Variants in ATP11A observed in about 807,000 individuals in gnomAD.
ATP11A encodes ATPase phospholipid transporting 11A.
Under a neutral mutation model 154.4 loss-of-function variants are expected in ATP11A, and 81 were observed. The observed-to-expected ratio is 0.52, with a 90% CI of 0.44 to 0.63. The LOEUF is 0.63. Among genes scored for constraint, ATP11A ranks in the 30% least tolerant of loss-of-function variants. ATP11A has a pLI of 0.00. For missense variants in ATP11A, 1,316 were observed against 1,474.3 expected (o/e 0.89, Z 1.76); for synonymous variants, 623 against 585.9 (o/e 1.06, Z -0.91).
chr13:112,785,129 C>T lies in ATP11A; in HGVS notation c.40-6C>T. 6.7e-7 allele frequency: 1 copy of T among 1,485,640 alleles called. No homozygotes were observed. 92.0% of individuals were successfully genotyped at this position (1,485,640 alleles called of 1,614,324 possible). ...CAGCTGCCTAACACCGCTCTCCTTTCCGCAGTGTGCAGGAGAAGAGAATTG... is the reference window on the plus strand; with the variant it reads ...CAGCTGCCTAACACCGCTCTCCTTTTCGCAGTGTGCAGGAGAAGAGAATTG... On this transcript the variant is annotated splice_polypyrimidine_tract_variant and splice_region_variant and intron_variant, in intron 1 of 29. Transcript: ENST00000375645. The surrounding 1 kb of genome is among the most constrained non-coding windows in gnomAD (Gnocchi z 4.8).
At chr13:112,879,863 G>A (rs1008451975) in intron 29 of ATP11A, among the ~76,000 whole-genome samples, 8 of 152,244 alleles carry the variant, frequency 5.3e-5, no homozygotes, top group African/African-American at 1.7e-4. Context: ...ACAGGCCTCA[G>A]ATGTATATGT....
At chr13:112,829,718 AG>A (rs1169144924) in intron 12 of ATP11A, among the ~76,000 whole-genome samples, 1 of 152,256 alleles carries the variant, frequency 6.6e-6, no homozygotes, top group African/African-American at 2.4e-5. Flanking sequence ...GGCAAGAAAA[AG>A]AAAAGGCATT....
intron 27 of ATP11A, 48 bp downstream of exon 27, chr13:112,873,724 G>C: frequency 6.4e-7 from 1 of 1,558,472 alleles, no homozygotes; most frequent in Non-Finnish European, 8.8e-7. Context: ...TCATGTGGTT[G>C]TTATTTTTTT....
At chr13:112,847,940 A>G (rs1420002220) in intron 17 of ATP11A, among the ~76,000 whole-genome samples, 2 of 152,188 alleles carry the variant, frequency 1.3e-5, no homozygotes, top group East Asian at 3.9e-4. Context: ...ACAAAAGGAA[A>G]ATCAGCCAGG....
chr13:112,873,720 G>A lies in ATP11A; in HGVS notation c.3161+44G>A, dbSNP rs76840741. 1.3e-4 allele frequency: 202 copies of A among 1,557,890 alleles called. No homozygotes were observed. The African/African-American group carries it at 2.6e-3, about 20-fold the overall frequency. ...GCTGATAATCTGATAAATATCATGTGGTTGTTATTTTTTTATCAAGGGTTG... is the reference window on the plus strand; with the variant it reads ...GCTGATAATCTGATAAATATCATGTAGTTGTTATTTTTTTATCAAGGGTTG... On this transcript the variant is annotated intron_variant, in intron 27 of 29. Coordinates refer to ENST00000375645, the MANE Select transcript of ATP11A (RefSeq NM_015205.3).
At chr13:112,734,441 G>C (rs1258233321) in intron 1 of ATP11A, among the ~76,000 whole-genome samples, 1 of 152,118 alleles carries the variant, frequency 6.6e-6, no homozygotes, top group African/African-American at 2.4e-5. Flanking sequence ...GAAATTTCTT[G>C]TCTTTATTTC....
At chr13:112,778,571 C>T (rs1200910054) in intron 1 of ATP11A, among the ~76,000 whole-genome samples, 1 of 152,166 alleles carries the variant, frequency 6.6e-6, no homozygotes, top group African/African-American at 2.4e-5. Context: ...TGAACAGCCG[C>T]TGGAGTGAGT....
rs1418459023 is a variant in ATP11A at position 112,690,161 on chromosome 13, A to AGCGC, written c.-246_-243dup. Among the ~76,000 whole-genome samples the AGCGC allele has an allele frequency of 2.0e-5, 3 of 147,466 alleles. No homozygotes were observed. Among genetic ancestry groups the AGCGC allele is most frequent in the East Asian group, 2.0e-4 (1 of 5,056 alleles). On this transcript the variant is annotated 5_prime_UTR_variant, in exon 1 of 30. Coordinates refer to ENST00000375645, the MANE Select transcript of ATP11A (RefSeq NM_015205.3). The surrounding 1 kb of genome is among the most constrained non-coding windows in gnomAD (Gnocchi z 5.6). ...CCGACGGGGAGAGAGAAGGCGCCAG[A>AGCGC]GCGCGCGCGCGCGGCCCCGAGCAGC...
At chr13:112,713,497 GT>G (rs1454123657) in intron 1 of ATP11A, among the ~76,000 whole-genome samples, 1 of 152,220 alleles carries the variant, frequency 6.6e-6, no homozygotes, top group African/African-American at 2.4e-5. Context: ...AAGAATTCAT[GT>G]TATTAAACAA....
intron 1 of ATP11A, among the ~76,000 whole-genome samples, chr13:112,741,470 A>T (rs777929770): frequency 2.0e-5 from 3 of 152,168 alleles, no homozygotes; most frequent in Non-Finnish European, 4.4e-5. Context: ...GGCACCTGTC[A>T]TGGTGGAGGG....
In ATP11A at chr13:112,882,475, C is replaced by A; in HGVS notation, c.*609C>A. The A allele has an allele frequency of 2.2e-6, 1 of 457,148 alleles. No homozygotes were observed. Among genetic ancestry groups the A allele is most frequent in the Admixed American group, 3.9e-5 (1 of 25,940 alleles). 28.3% of individuals were successfully genotyped at this position (457,148 alleles called of 1,614,324 possible). ...GTGGTGCGTCCTTTACTCAACAACC[C>A]TCCAATCCGGATGCTGTGGGAAGGG... On this transcript the variant is annotated 3_prime_UTR_variant, in exon 30 of 30. Transcript: ENST00000375645. The surrounding 1 kb of genome is among the most constrained non-coding windows in gnomAD (Gnocchi z 5.1).
chr13:112,831,562 C>T lies in ATP11A; in HGVS notation c.1395+14C>T, dbSNP rs375306893. 1.9e-6 allele frequency: 3 copies of T among 1,611,784 alleles called. No homozygotes were observed. Among genetic ancestry groups the T allele is most frequent in the African/African-American group, 1.3e-5 (1 of 74,874 alleles). On this transcript the variant is annotated intron_variant, in intron 13 of 29. Transcript: ENST00000375645. ...GTCAACGGGAGGGTAGGTGGCAGCC[C>T]CCACGCCGTCCAAGTGTGTGAGTGA...
rs376625585 is a variant in ATP11A at position 112,855,911 on chromosome 13, A to T, written c.2244A>T (p.Gly748=). 2.5e-6 allele frequency: 4 copies of T among 1,607,596 alleles called. No homozygotes were observed. In the African/African-American group the frequency reaches 5.3e-5, roughly 21 times the overall value. The change falls in exon 20 of 30, where the codon GGA becomes GGT. Residue 748 remains glycine (G), a splice_region_variant and synonymous_variant. Coordinates refer to ENST00000375645, the MANE Select transcript of ATP11A (RefSeq NM_015205.3). ...SGSLTRDNLS[G]LSADMQDYGL... ...CTTTCTGACTCACGTACTCTAACAGACTTTCAGCAGATATGCAGGACTACG... is the reference window on the plus strand; with the variant it reads ...CTTTCTGACTCACGTACTCTAACAGTCTTTCAGCAGATATGCAGGACTACG...
chr13:112,835,870 G>C (rs749487576), intron 15 of ATP11A, among the ~76,000 whole-genome samples: 18 of 152,236 alleles, frequency 1.2e-4, no homozygotes, highest in Non-Finnish European at 2.5e-4. Context: ...GGAGGGAGTC[G>C]GTGCGTAGGG....
At chr13:112,775,164 C>T (rs1469047491) in intron 1 of ATP11A, among the ~76,000 whole-genome samples, 1 of 152,262 alleles carries the variant, frequency 6.6e-6, no homozygotes, top group Non-Finnish European at 1.5e-5. Flanking sequence ...TTGAGGCAGG[C>T]CCTTGATGTG....
At chr13:112,845,817 G>A (rs1001282535) in intron 17 of ATP11A, among the ~76,000 whole-genome samples, 4 of 82,158 alleles carry the variant, frequency 4.9e-5, no homozygotes, top group African/African-American at 1.8e-4. Flanking sequence ...ATACTAACCA[G>A]TCCAGTTGCC....
intron 1 of ATP11A, among the ~76,000 whole-genome samples, chr13:112,711,489 C>G (rs1887744131): frequency 1.3e-5 from 2 of 151,772 alleles, no homozygotes; most frequent in African/African-American, 2.4e-5. Flanking sequence ...GGGGAGGAAC[C>G]TGAGATCCAA....
At chr13:112,796,681 T>C (rs1306680227) in intron 2 of ATP11A, among the ~76,000 whole-genome samples, 2 of 152,246 alleles carry the variant, frequency 1.3e-5, no homozygotes, top group Admixed American at 1.3e-4. Context: ...TGGAATTTGT[T>C]ATAGCAGCAT....
At position 112,732,176 on chromosome 13, in the gene ATP11A, T is replaced by G. The variant is rs563218431; in HGVS notation, c.39+41721T>G. On this transcript the variant is annotated intron_variant, in intron 1 of 29. Transcript: ENST00000375645. ...CCTCCATTCAGGGCCCGTGACGGTC[T>G]GGAGTCGGAGGAGCCACAGACCACC... 2.6e-5 allele frequency among the ~76,000 whole-genome samples: 4 copies of G among 152,298 alleles called. No homozygotes were observed. The South Asian group carries it at 8.3e-4, about 32-fold the overall frequency.
Sources: allele counts gnomAD v4.1 joint callset (sites outside exome capture counted in the v4.1 genomes callset), GRCh38; gene constraint gnomAD v4.1.1; non-coding constraint Gnocchi (gnomAD v3.1); transcripts MANE v1.5; gene names NCBI Gene and HGNC (gene_info 2026-07-23, HGNC 2026-07-21).